Variants in ORC4 observed in about 807,000 individuals in gnomAD.
The protein encoded by ORC4 is origin recognition complex subunit 4.
In ORC4, 55 loss-of-function variants were observed where a neutral mutation model predicts 63.9. That is an observed-to-expected ratio of 0.86 (90% CI 0.69 to 1.08). ORC4 has a LOEUF of 1.08. Among genes scored for constraint, ORC4 ranks in the 50% least tolerant of loss-of-function variants. The pLI, the probability that ORC4 is intolerant of heterozygous loss-of-function variation, is 0.00. For synonymous variants in ORC4, 150 were observed against 168.5 expected (o/e 0.89, Z 0.85); for missense variants, 511 against 504.4 (o/e 1.01, Z -0.13).
At chr2:147,952,816 C>T (rs1387979202) in intron 7 of ORC4, among the ~76,000 whole-genome samples, 7 of 151,694 alleles carry the variant, frequency 4.6e-5, no homozygotes, top group African/African-American at 1.5e-4. Flanking sequence ...CACCTGAGGT[C>T]GGGAGTTCGA....
At chr2:147,990,269 T>G (rs1193302662) in intron 1 of ORC4, among the ~76,000 whole-genome samples, 1 of 152,208 alleles carries the variant, frequency 6.6e-6, no homozygotes, top group Non-Finnish European at 1.5e-5. Context: ...AAATGAAAGG[T>G]ATTTTAGGAG....
chr2:147,961,959 C>G (rs1173995205), intron 4 of ORC4, among the ~76,000 whole-genome samples: 1 of 152,104 alleles, frequency 6.6e-6, no homozygotes, highest in Non-Finnish European at 1.5e-5. Context: ...TGATTAGAGA[C>G]TCCTGGTGCT....
intron 1 of ORC4, among the ~76,000 whole-genome samples, chr2:147,992,178 T>C (rs1167408787): frequency 6.6e-6 from 1 of 152,226 alleles, no homozygotes; most frequent in Non-Finnish European, 1.5e-5. Flanking sequence ...ACCTTCAGGA[T>C]TTAAGCTTGT....
chr2:147,939,003 C>T, intron 11 of ORC4, 137 bp downstream of exon 11: 1 of 638,418 alleles, frequency 1.6e-6, no homozygotes, highest in South Asian at 1.7e-5. Flanking sequence ...TTTAAAAGGA[C>T]TAAGTTAAAG....
Position 147,932,406 on chromosome 2 carries a change from A to G in ORC4, c.*3104T>C, listed in dbSNP as rs565078745. Reference sequence around the variant, plus strand: ...CAAGGTAATTTACAGATTCAATGCCATCCCCATCAAGCTACCAATGACTTT... The same window carrying G: ...CAAGGTAATTTACAGATTCAATGCCGTCCCCATCAAGCTACCAATGACTTT... On this transcript the variant is annotated 3_prime_UTR_variant, in exon 14 of 14. Transcript: ENST00000392857. 18 of 152,190 alleles carry G rather than the reference A, an allele frequency of 1.2e-4. No individual in the cohort carries two copies. The highest frequency in any genetic ancestry group is 2.2e-4 in the Non-Finnish European group (15 of 68,032). 9.4% of individuals were successfully genotyped at this position (152,190 alleles called of 1,614,324 possible).
intron 13 of ORC4, 25 bp downstream of exon 13, chr2:147,938,121 A>C (rs780725406): frequency 6.6e-7 from 1 of 1,524,460 alleles, no homozygotes; most frequent in Non-Finnish European, 9.1e-7. Context: ...TGTCTGTAGA[A>C]AAATGACAGC....
chr2:148,014,537 T>A (rs1693149714), intron 1 of ORC4, among the ~76,000 whole-genome samples: 1 of 151,938 alleles, frequency 6.6e-6, no homozygotes, highest in Non-Finnish European at 1.5e-5. Flanking sequence ...AAGAAAAAAA[T>A]ATCATAAGCT....
chr2:148,012,307 G>A (rs547342357), intron 1 of ORC4, among the ~76,000 whole-genome samples: 15 of 152,244 alleles, frequency 9.9e-5, no homozygotes, highest in African/African-American at 3.6e-4. Flanking sequence ...TGTATTTAAA[G>A]CCAATTAGTT....
At chr2:148,020,007 T>G (rs901698912) in intron 1 of ORC4, among the ~76,000 whole-genome samples, 1 of 152,172 alleles carries the variant, frequency 6.6e-6, no homozygotes, top group Admixed American at 6.5e-5. Context: ...ACGTCCCTTC[T>G]CCTTCATCAA....
chr2:147,939,040 A>C, intron 11 of ORC4, 100 bp downstream of exon 11: 1 of 753,036 alleles, frequency 1.3e-6, no homozygotes, highest in Non-Finnish European at 2.4e-6. Context: ...AGTATTTTAT[A>C]AAGCATTATG....
Position 147,952,377 on chromosome 2 carries a change from C to G in ORC4, c.584G>C (p.Arg195Thr), listed in dbSNP as rs528906038. The G allele has an allele frequency of 2.5e-6, 4 of 1,599,448 alleles. No homozygotes were observed. In the East Asian group the frequency reaches 6.7e-5, roughly 27 times the overall value. ...TPIAVIGLTC[R>T]LDILELLEKR... Reference sequence around the variant, plus strand: ...TTAATGAACAGAAAGACTTACCAATCTACATGTAAGACCAATAACTGCTAT... The same window carrying G: ...TTAATGAACAGAAAGACTTACCAATGTACATGTAAGACCAATAACTGCTAT... The change falls in exon 8 of 14, where the codon AGA becomes ACA. Residue 195 changes from arginine to threonine, a missense_variant. Physicochemically the swap from Arg to Thr is moderately conservative, Grantham distance 71 (BLOSUM62 -1). Transcript: ENST00000392857.
intron 7 of ORC4, among the ~76,000 whole-genome samples, chr2:147,953,038 G>A (rs943510398): frequency 3.5e-5 from 5 of 144,444 alleles, no homozygotes; most frequent in Non-Finnish European, 7.6e-5. Flanking sequence ...AAAAAAAAAA[G>A]TTCAGTCTAG....
At position 148,016,804 on chromosome 2, in the gene ORC4, C is replaced by G. The variant is rs189325714; in HGVS notation, c.-18+3829G>C. Among the ~76,000 whole-genome samples the G allele has an allele frequency of 1.4e-4, 22 of 152,304 alleles. 1 individual carries two copies. The East Asian group carries it at 3.5e-3, about 24-fold the overall frequency. ...CCTCGTTATAATGATTTAAAATTCG[C>G]TGTCCCAAACCACAATTTCTTTTGT... On this transcript the variant is annotated intron_variant, in intron 1 of 13. Coordinates refer to ENST00000392857, the MANE Select transcript of ORC4 (RefSeq NM_181741.4).
intron 7 of ORC4, 41 bp downstream of exon 7, chr2:147,955,306 A>G (rs769680603): frequency 3.6e-6 from 5 of 1,404,106 alleles, no homozygotes; most frequent in Non-Finnish European, 5.0e-6. Flanking sequence ...AAATAAAGTT[A>G]AAACAGATCT....
chr2:147,960,275 C>A, intron 4 of ORC4: 4 of 985,140 alleles, frequency 4.1e-6, no homozygotes, highest in Non-Finnish European at 4.8e-6. Context: ...CTTGGATCAG[C>A]CCACTAATAT....
chr2:147,980,367 G>A (rs191429186), intron 1 of ORC4, among the ~76,000 whole-genome samples: 20 of 152,002 alleles, frequency 1.3e-4, no homozygotes, highest in African/African-American at 4.3e-4. Context: ...TAGGTTATAC[G>A]CTAATACCAT....
rs1364898404 is a variant in ORC4, at chr2:147,933,429, A to C, written c.*2081T>G. 1.3e-5 allele frequency: 2 copies of C among 152,040 alleles called. No individual in the cohort carries two copies. Among genetic ancestry groups the C allele is most frequent in the Non-Finnish European group, 2.9e-5 (2 of 67,988 alleles). The allele number at this position is 152,040 out of a possible 1,614,324, so 9.4% of individuals were successfully genotyped here. Reference sequence around the variant, plus strand: ...TGCCTTGGGAATATAATAGGCGTACACTTCATTTGTGTAACTTTTCCTAAT... The same window carrying C: ...TGCCTTGGGAATATAATAGGCGTACCCTTCATTTGTGTAACTTTTCCTAAT... On this transcript the variant is annotated 3_prime_UTR_variant, in exon 14 of 14. Transcript: ENST00000392857.
intron 10 of ORC4, among the ~76,000 whole-genome samples, chr2:147,942,798 A>C (rs1036712726): frequency 1.3e-5 from 2 of 152,040 alleles, no homozygotes; most frequent in African/African-American, 2.4e-5. Context: ...GAAAAAAAAA[A>C]CCGTCACTAT....
At chr2:148,019,722 A>G (rs1007363294) in intron 1 of ORC4, among the ~76,000 whole-genome samples, 1 of 152,256 alleles carries the variant, frequency 6.6e-6, no homozygotes, top group Admixed American at 6.5e-5. Flanking sequence ...TTTACAAAAC[A>G]TATTGAGACT....
Sources: allele counts gnomAD v4.1 joint callset (sites outside exome capture counted in the v4.1 genomes callset), GRCh38; gene constraint gnomAD v4.1.1; transcripts MANE v1.5; gene names NCBI Gene and HGNC (gene_info 2026-07-23, HGNC 2026-07-21).